DPEP2NB: variants seen among roughly 807,000 people sequenced by gnomAD.
DPEP2NB encodes DPEP2 neighbor.
For synonymous variants in DPEP2NB, 35 were observed against 55.3 expected, an observed-to-expected ratio of 0.63 and a Z score of 1.63; for missense variants, 117 against 151.8, an observed-to-expected ratio of 0.77 and a Z score of 1.21.
Position 68,015,731 on chromosome 16 carries a change from A to G in DPEP2NB, c.40T>C (p.Ser14Pro), listed in dbSNP as rs1445489216. Residue 14 changes from serine to proline, a missense_variant, in exon 1 of 2, where the codon TCT becomes CCT. Transcript: ENST00000574912. ...GCTGCGCTGCCCTCCCAGGGGACAG[A>G]GGACATGTTAGAGACAATATAGAGG... is the stretch of plus-strand genomic sequence containing the variant. ...RILYIVSNMS[S>P]VPWEGSAAAA... 4.6e-5 allele frequency: 57 copies of G among 1,231,600 alleles called. No homozygotes were observed. The East Asian group carries it at 1.8e-3, about 39-fold the overall frequency. 76.3% of individuals were successfully genotyped at this position (1,231,600 alleles called of 1,614,324 possible).
At chr16:68,015,005 A>AAAAAAG (rs566021700) in intron 1 of DPEP2NB, among the ~76,000 whole-genome samples, 3 of 152,062 alleles carry the variant, frequency 2.0e-5, no homozygotes, top group East Asian at 1.9e-4. Flanking sequence ...ACACTGTCTC[A>AAAAAAG]AAAAAGAAAA....
chr16:68,015,577 C>T (rs559340328), intron 1 of DPEP2NB, 127 bp downstream of exon 1: 18 of 463,678 alleles, frequency 3.9e-5, no homozygotes, highest in South Asian at 2.3e-4. Context: ...TGAGTGGCCA[C>T]GCCCTCGATA....
Position 68,014,141 on chromosome 16 carries a change from G to T in DPEP2NB, c.339C>A (p.Gly113=). ...CAAGCTTCTGTGGGGTCAGTCTCCT[G>T]CCACGATGCTCCAAGCGCCGAATTT... ...SPKIRRLEHR[G]RRLTPQKLAG Residue 113 remains glycine (G), a synonymous_variant, in exon 2 of 2, where the codon GGC becomes GGA. Coordinates refer to ENST00000574912, the MANE Select transcript of DPEP2NB (RefSeq NM_001282442.2). 1 of 1,231,774 alleles carries T rather than the reference G, an allele frequency of 8.1e-7. No homozygotes were observed. Among genetic ancestry groups the T allele is most frequent in the Non-Finnish European group, 1.0e-6 (1 of 987,996 alleles). 76.3% of individuals were successfully genotyped at this position (1,231,774 alleles called of 1,614,324 possible). A position where few individuals can be genotyped will look rare whatever the true frequency, so the allele number is the denominator to read the frequency against.
chr16:68,014,318 C>G lies in DPEP2NB; in HGVS notation c.162G>C (p.Thr54=), dbSNP rs992577286. Residue 54 remains threonine (T), a synonymous_variant, in exon 2 of 2, where the codon ACG becomes ACC. Transcript: ENST00000574912. The part of the protein sequence containing the change: ...GETQVGWHGE[T]YCLVGGYRVH... ...CCCGGTAGCCACCAACCAGGCAGTA[C>G]GTCTCCCCATGCCAGCCTACCTGAG... 8.1e-7 allele frequency: 1 copy of G among 1,231,662 alleles called. No individual in the cohort carries two copies. Among genetic ancestry groups the G allele is most frequent in the Non-Finnish European group, 1.0e-6 (1 of 988,036 alleles). 76.3% of individuals were successfully genotyped at this position (1,231,662 alleles called of 1,614,324 possible).
At chr16:68,014,470 A>C (rs941900178) in intron 1 of DPEP2NB, 58 bp from the exon 2 acceptor site, 89 of 1,148,652 alleles carry the variant, frequency 7.7e-5, no homozygotes, top group Non-Finnish European at 6.2e-5. Context: ...GTTACAGCCT[A>C]CCCTCTCTCG....
Position 68,015,789 on chromosome 16 carries a change from A to G in DPEP2NB, c.-19T>C. The G allele has an allele frequency of 8.3e-7, 1 of 1,206,990 alleles. No homozygotes were observed. The highest frequency in any genetic ancestry group is 1.0e-6 in the Non-Finnish European group (1 of 965,394). 74.8% of individuals were successfully genotyped at this position (1,206,990 alleles called of 1,614,324 possible). ...CAGTCATTCTCTCTCAGCCAACCAA[A>G]CAGATTGGTATCTTACAGAGAAATG... On this transcript the variant is annotated 5_prime_UTR_variant, in exon 1 of 2. Transcript: ENST00000574912.
In DPEP2NB at chr16:68,013,814, A is replaced by G. The variant is rs149072217; in HGVS notation, c.*294T>C. ...CTTGACTCCTCGGCTAGCAGAGTGC[A>G]GACTATTTCTATCTTCTGCCCAAAA... On this transcript the variant is annotated 3_prime_UTR_variant, in exon 2 of 2. Coordinates refer to ENST00000574912, the MANE Select transcript of DPEP2NB (RefSeq NM_001282442.2). 1.8e-4 allele frequency: 50 copies of G among 280,522 alleles called. No individual in the cohort carries two copies. The highest frequency in any genetic ancestry group is 3.2e-4 in the Non-Finnish European group (49 of 151,828). 17.4% of individuals were successfully genotyped at this position (280,522 alleles called of 1,614,324 possible).
chr16:68,014,197 A>G lies in DPEP2NB; in HGVS notation c.283T>C (p.Ser95Pro). 1 of 1,231,496 alleles carries G rather than the reference A, an allele frequency of 8.1e-7. No individual in the cohort carries two copies. The allele number at this position is 1,231,496 out of a possible 1,614,324, so 76.3% of individuals were successfully genotyped here. ...CTAGAGCAACCCAGGTCTTTATCTGACTCTATCGTAGCTTGACGTCTCTTG... is the reference window on the plus strand; with the variant it reads ...CTAGAGCAACCCAGGTCTTTATCTGGCTCTATCGTAGCTTGACGTCTCTTG... ...APKRRQATIE[S>P]DKDLGCSSPK... is the part of the protein sequence containing the mutation. The change falls in exon 2 of 2, where the codon TCA becomes CCA. Residue 95 changes from serine to proline, a missense_variant. Transcript: ENST00000574912.
At chr16:68,015,133 C>T (rs1044181334) in intron 1 of DPEP2NB, among the ~76,000 whole-genome samples, 6 of 151,698 alleles carry the variant, frequency 4.0e-5, no homozygotes, top group African/African-American at 1.5e-4. Context: ...GCCTCACGCC[C>T]GTAATCCTAG....
In DPEP2NB at chr16:68,014,402, A is replaced by G. The variant is rs1462376905; in HGVS notation, c.78T>C (p.Pro26=). ...PWEGSAAAAV[P]ATSPPTPGHY... The stretch of plus-strand genomic sequence containing the variant: ...GCCCAGGTGTGGGAGGAGAAGTGGC[A>G]GGCACTGCAGCTGGAAAGAAAACCA... The change falls in exon 2 of 2, where the codon CCT becomes CCC. Residue 26 remains proline (P), a synonymous_variant. Coordinates refer to ENST00000574912, the MANE Select transcript of DPEP2NB (RefSeq NM_001282442.2). 4 of 1,231,744 alleles carry G rather than the reference A, an allele frequency of 3.2e-6. No homozygotes were observed. The African/African-American group carries it at 6.2e-5, about 19-fold the overall frequency. 76.3% of individuals were successfully genotyped at this position (1,231,744 alleles called of 1,614,324 possible).
In DPEP2NB at chr16:68,013,796, C is replaced by CTCGG. The variant is rs2033148093; in HGVS notation, c.*311_*312insCCGA. 4.3e-6 allele frequency: 1 copy of CTCGG among 234,766 alleles called. No individual in the cohort carries two copies. Among genetic ancestry groups the CTCGG allele is most frequent in the Admixed American group, 5.7e-5 (1 of 17,552 alleles). The allele number at this position is 234,766 out of a possible 1,614,324, so 14.5% of individuals were successfully genotyped here. A position where few individuals can be genotyped will look rare whatever the true frequency, so the allele number is the denominator to read the frequency against. The stretch of plus-strand genomic sequence containing the variant: ...CTGCACTCCCTCTCTGCACTTGACT[C>CTCGG]CTCGGCTAGCAGAGTGCAGACTATT... On this transcript the variant is annotated 3_prime_UTR_variant, in exon 2 of 2. Coordinates refer to ENST00000574912, the MANE Select transcript of DPEP2NB (RefSeq NM_001282442.2).
Position 68,014,369 on chromosome 16 carries a change from A to G in DPEP2NB, c.111T>C (p.His37=), listed in dbSNP as rs2033153220. The G allele has an allele frequency of 1.6e-6, 2 of 1,231,898 alleles. No homozygotes were observed. The highest frequency in any genetic ancestry group is 2.0e-6 in the Non-Finnish European group (2 of 988,068). The allele number at this position is 1,231,898 out of a possible 1,614,324, so 76.3% of individuals were successfully genotyped here. A position where few individuals can be genotyped will look rare whatever the true frequency, so the allele number is the denominator to read the frequency against. ...ATSPPTPGHY[H]VLYRGCGETQ... is the part of the protein sequence containing the mutation. ...TTTCTCCACACCCTCGGTAGAGAAC[A>G]TGGTAGTGCCCAGGTGTGGGAGGAG... is the stretch of plus-strand genomic sequence containing the variant. The change falls in exon 2 of 2, where the codon CAT becomes CAC. Residue 37 remains histidine, a synonymous_variant. Coordinates refer to ENST00000574912, the MANE Select transcript of DPEP2NB (RefSeq NM_001282442.2).
At chr16:68,014,468 C>T in intron 1 of DPEP2NB, 56 bp from the exon 2 acceptor site, 1 of 1,153,506 alleles carries the variant, frequency 8.7e-7, no homozygotes, top group Non-Finnish European at 1.1e-6. Context: ...CTGTTACAGC[C>T]TACCCTCTCT....
intron 1 of DPEP2NB, among the ~76,000 whole-genome samples, chr16:68,015,003 T>C (rs773018085): frequency 1.3e-5 from 2 of 150,558 alleles, no homozygotes; most frequent in African/African-American, 2.4e-5. Context: ...AGACACTGTC[T>C]CAAAAAAGAA....
At chr16:68,015,262 G>A (rs1424809783) in intron 1 of DPEP2NB, among the ~76,000 whole-genome samples, 5 of 150,046 alleles carry the variant, frequency 3.3e-5, no homozygotes, top group Non-Finnish European at 5.9e-5. Flanking sequence ...GTGTGGTGGC[G>A]CGTGCCTGTA....
rs2151400630 is a variant in DPEP2NB at position 68,013,842 on chromosome 16, G to A, written c.*266C>T. ...CTATTTCTATCTTCTGCCCAAAAAGGGACTCTGGAGAGATGAGTAGAGGAA... is the reference window on the plus strand; with the variant it reads ...CTATTTCTATCTTCTGCCCAAAAAGAGACTCTGGAGAGATGAGTAGAGGAA... On this transcript the variant is annotated 3_prime_UTR_variant, in exon 2 of 2. Coordinates refer to ENST00000574912, the MANE Select transcript of DPEP2NB (RefSeq NM_001282442.2). 2.9e-6 allele frequency: 1 copy of A among 345,724 alleles called. No homozygotes were observed. Among genetic ancestry groups the A allele is most frequent in the East Asian group, 4.4e-5 (1 of 22,970 alleles). 21.4% of individuals were successfully genotyped at this position (345,724 alleles called of 1,614,324 possible). A position where few individuals can be genotyped will look rare whatever the true frequency, so the allele number is the denominator to read the frequency against.
At chr16:68,015,171 C>G (rs2033159443) in intron 1 of DPEP2NB, among the ~76,000 whole-genome samples, 1 of 151,684 alleles carries the variant, frequency 6.6e-6, no homozygotes, top group South Asian at 2.1e-4. Context: ...GTGGGCCGAT[C>G]GCTTGAGCTC....
Sources: allele counts gnomAD v4.1 joint callset (sites outside exome capture counted in the v4.1 genomes callset), GRCh38; gene constraint gnomAD v4.1.1; transcripts MANE v1.5; gene names NCBI Gene and HGNC (gene_info 2026-07-23, HGNC 2026-07-21).